SLC25A48: variants seen among roughly 807,000 people sequenced by gnomAD.
SLC25A48 encodes the protein solute carrier family 25 member 48, also known as CTC-321K16.1.
In SLC25A48, 29 loss-of-function variants were observed where a neutral mutation model predicts 32.2. The ratio of observed to expected loss-of-function variants is 0.90; its 90% CI spans 0.67 to 1.23. SLC25A48 has a LOEUF of 1.23. Ranked by LOEUF, SLC25A48 falls within the 50% of genes most tolerant of loss-of-function variation. The pLI is 0.00. For missense variants in SLC25A48, 399 were observed against 422.7 expected, an observed-to-expected ratio of 0.94 and a Z score of 0.49; for synonymous variants, 164 against 172.3, an observed-to-expected ratio of 0.95 and a Z score of 0.38.
At chr5:135,587,867 A>G (rs993188682) in intron 1 of SLC25A48, among the ~76,000 whole-genome samples, 3 of 152,240 alleles carry the variant, frequency 2.0e-5, no homozygotes, top group African/African-American at 7.2e-5. Flanking sequence ...GGCAGCAGGA[A>G]CCATAAATCC....
intron 3 of SLC25A48, among the ~76,000 whole-genome samples, chr5:135,761,311 G>A (rs919901375): frequency 3.3e-5 from 5 of 152,058 alleles, no homozygotes; most frequent in Admixed American, 6.6e-5. Flanking sequence ...AGACCCAACC[G>A]CATGGGGGAG....
At chr5:135,638,039 G>A (rs1205125585) in intron 3 of SLC25A48, among the ~76,000 whole-genome samples, 1 of 152,128 alleles carries the variant, frequency 6.6e-6, no homozygotes, top group Non-Finnish European at 1.5e-5. Context: ...GTTACTGTCA[G>A]CCACGGAACA....
At chr5:135,827,194 C>G (rs894273199) in intron 4 of SLC25A48, 2 of 152,226 alleles carry the variant, frequency 1.3e-5, no homozygotes, top group Non-Finnish European at 2.9e-5. Flanking sequence ...TGGCATGTCC[C>G]AAGTTCACAG....
At chr5:135,862,644 C>T (rs1760889861) in intron 4 of SLC25A48, among the ~76,000 whole-genome samples, 1 of 152,166 alleles carries the variant, frequency 6.6e-6, no homozygotes, top group African/African-American at 2.4e-5. Flanking sequence ...ATCAGGAAGC[C>T]TCCAGAAAGG....
At chr5:135,618,070 A>C (rs1171518734) in intron 1 of SLC25A48, among the ~76,000 whole-genome samples, 1 of 150,902 alleles carries the variant, frequency 6.6e-6, no homozygotes, top group East Asian at 1.9e-4. Flanking sequence ...AGATCTAATA[A>C]TTTTTGCTTC....
chr5:135,832,932 C>T (rs4285211), upstream of SLC25A48, among the ~76,000 whole-genome samples: 7,693 of 152,212 alleles, frequency 0.051, 429 homozygotes, highest in African/African-American at 0.14. Context: ...GCTGCCCTGC[C>T]CTCTCCCGAG....
At chr5:135,622,903 T>G (rs889850586) in intron 1 of SLC25A48, among the ~76,000 whole-genome samples, 9 of 152,162 alleles carry the variant, frequency 5.9e-5, no homozygotes, top group African/African-American at 2.2e-4. Flanking sequence ...AATGGCTACG[T>G]TAGAATCTGA....
At position 135,852,582 on chromosome 5, in the gene SLC25A48, G is replaced by T. The variant is rs932116611; in HGVS notation, c.182G>T (p.Gly61Val). Residue 61 changes from glycine (G) to valine (V), a missense_variant, in exon 4 of 8, where the codon GGC (glycine) becomes GTC (valine). Transcript: ENST00000681962. The stretch of plus-strand genomic sequence containing the variant: ...CTGCAGATGTTCGGCTTCTTCAAGG[G>T]CATGTCCTTCCCCCTCGCCAGCATT... Reference protein sequence around the residue: ...RRESMFGFFKGMSFPLASIAV... With the variant: ...RRESMFGFFKVMSFPLASIAV... The T allele has an allele frequency of 6.3e-7, 1 of 1,599,608 alleles. No homozygotes were observed. Among genetic ancestry groups the T allele is most frequent in the Non-Finnish European group, 8.6e-7 (1 of 1,167,966 alleles).
intron 4 of SLC25A48, among the ~76,000 whole-genome samples, chr5:135,870,336 T>G (rs4582270): frequency 0.8 from 121,709 of 152,174 alleles, 48,900 homozygotes; most frequent in African/African-American, 0.87. Context: ...GGTCTGGAAG[T>G]TCTGTCTGGT....
intron 4 of SLC25A48, among the ~76,000 whole-genome samples, chr5:135,868,366 G>A (rs1326755704): frequency 6.6e-6 from 1 of 152,128 alleles, no homozygotes; most frequent in Non-Finnish European, 1.5e-5. Flanking sequence ...AACAAAGAAA[G>A]GCTATGGAAA....
intron 2 of SLC25A48, among the ~76,000 whole-genome samples, chr5:135,631,285 A>G (rs1310124613): frequency 1.3e-5 from 2 of 152,186 alleles, no homozygotes; most frequent in Non-Finnish European, 2.9e-5. Context: ...CAAAGTATTG[A>G]TTGGCTCTGC....
intron 6 of SLC25A48, chr5:135,876,213 T>G (rs2126820224): frequency 6.8e-6 from 1 of 147,782 alleles, no homozygotes; most frequent in South Asian, 2.2e-4. Context: ...GATATAAAAG[T>G]GTTTCAAGTG....
chr5:135,859,788 G>T (rs1162548836), intron 4 of SLC25A48, among the ~76,000 whole-genome samples: 1 of 152,148 alleles, frequency 6.6e-6, no homozygotes, highest in Non-Finnish European at 1.5e-5. Context: ...CTGGTGAGTT[G>T]GTGCCACTGG....
At chr5:135,702,502 C>G (rs1198395199) in intron 3 of SLC25A48, among the ~76,000 whole-genome samples, 1 of 152,238 alleles carries the variant, frequency 6.6e-6, no homozygotes, top group Non-Finnish European at 1.5e-5. Flanking sequence ...TGAACACGGC[C>G]CTGCCAATCC....
At chr5:135,779,525 C>A (rs1212270439) in intron 3 of SLC25A48, among the ~76,000 whole-genome samples, 2 of 120,694 alleles carry the variant, frequency 1.7e-5, no homozygotes, top group African/African-American at 5.1e-5. Flanking sequence ...GGTGTACATG[C>A]CCCCCTGTGA....
chr5:135,621,495 A>G (rs915525557), intron 1 of SLC25A48, among the ~76,000 whole-genome samples: 1 of 152,208 alleles, frequency 6.6e-6, no homozygotes, highest in Non-Finnish European at 1.5e-5. Flanking sequence ...CTATGTCCAG[A>G]TATGTGTATT....
At chr5:135,885,416 C>T (rs1166707939) in intron 7 of SLC25A48, among the ~76,000 whole-genome samples, 2 of 152,192 alleles carry the variant, frequency 1.3e-5, no homozygotes, top group Non-Finnish European at 2.9e-5. Context: ...ACTCTTACCC[C>T]CAGCATCACC....
At chr5:135,597,021 G>A (rs1240022253) in intron 1 of SLC25A48, among the ~76,000 whole-genome samples, 14 of 152,162 alleles carry the variant, frequency 9.2e-5, no homozygotes, top group Admixed American at 8.5e-4. Flanking sequence ...TAGGTTGTGA[G>A]GAGACAATGC....
intron 6 of SLC25A48, among the ~76,000 whole-genome samples, chr5:135,876,680 G>A (rs1184842859): frequency 6.6e-6 from 1 of 152,142 alleles, no homozygotes; most frequent in East Asian, 1.9e-4. Flanking sequence ...CATTTACAGT[G>A]TATAAAAGAA....
Sources: gnomAD v4.1 joint callset for allele counts (sites outside exome capture counted in the v4.1 genomes callset) on GRCh38, gnomAD v4.1.1 for gene constraint, MANE v1.5 for transcripts, NCBI Gene and HGNC (gene_info 2026-07-23, HGNC 2026-07-21) for gene names.